ROBO2: variants seen among roughly 807,000 people sequenced by gnomAD.
The protein encoded by ROBO2 is roundabout homolog 2.
A neutral mutation model predicts 160.8 loss-of-function variants in ROBO2; 53 were observed. The ratio of observed to expected loss-of-function variants is 0.33; its 90% CI spans 0.26 to 0.41. The LOEUF (loss-of-function observed/expected upper bound fraction) is 0.41. Among genes scored for constraint, ROBO2 ranks in the 10% least tolerant of loss-of-function variants. The probability of loss-of-function intolerance (pLI) is 1.00; values close to 1 mark genes in which losing one functional copy is unlikely to be tolerated. For missense variants in ROBO2, 1,577 were observed against 1,722.4 expected, an observed-to-expected ratio of 0.92 and a Z score of 1.49; for synonymous variants, 664 against 611.7, an observed-to-expected ratio of 1.09 and a Z score of -1.26.
At chr3:76,418,343 C>G (rs985840653) in intron 2 of ROBO2, among the ~76,000 whole-genome samples, 5 of 151,538 alleles carry the variant, frequency 3.3e-5, no homozygotes, top group Non-Finnish European at 5.9e-5. Context: ...TGGGTTCAAG[C>G]AATTCTCCTG....
chr3:77,410,717 T>TCCTCCTCCTCC (rs2076711895), intron 2 of ROBO2, among the ~76,000 whole-genome samples: 16 of 53,566 alleles, frequency 3.0e-4, no homozygotes, highest in African/African-American at 8.3e-4. Context: ...CCTCCTCCTC[T>TCCTCCTCCTCC]TCCTCCTCCT....
At chr3:76,388,733 T>A (rs1484581395) in intron 2 of ROBO2, among the ~76,000 whole-genome samples, 1 of 152,146 alleles carries the variant, frequency 6.6e-6, no homozygotes, top group Non-Finnish European at 1.5e-5. Flanking sequence ...ATAACTCTAT[T>A]TTTTACCTTT....
At chr3:76,477,866 A>G (rs1451551505) in intron 2 of ROBO2, among the ~76,000 whole-genome samples, 1 of 151,928 alleles carries the variant, frequency 6.6e-6, no homozygotes, top group East Asian at 1.9e-4. Flanking sequence ...TTCTTTCTAC[A>G]TTTGTTGCAG....
rs182508487 is a variant in ROBO2, at chr3:77,237,624, G to C, written c.388+139284G>C. Among the ~76,000 whole-genome samples the C allele has an allele frequency of 1.0e-3, 155 of 152,210 alleles. 3 individuals are homozygous for C. In the East Asian group the frequency reaches 0.022, roughly 22 times the overall value. On this transcript the variant is annotated intron_variant, in intron 2 of 25. Transcript: ENST00000461745. The stretch of plus-strand genomic sequence containing the variant: ...TGGATGTAACACAAGTCCATATAGT[G>C]TATCTATCTATTCACCTATTGACAT...
At chr3:76,136,899 T>C (rs1249815249) in intron 2 of ROBO2, among the ~76,000 whole-genome samples, 1 of 151,988 alleles carries the variant, frequency 6.6e-6, no homozygotes, top group African/African-American at 2.4e-5. Flanking sequence ...TCATAAGAGC[T>C]TCCAAAGTCT....
At chr3:76,076,537 A>G (rs1242295276) in intron 2 of ROBO2, among the ~76,000 whole-genome samples, 1 of 152,200 alleles carries the variant, frequency 6.6e-6, no homozygotes, top group Non-Finnish European at 1.5e-5. Context: ...AACAAAATTT[A>G]GCTAGTAATT....
intron 2 of ROBO2, among the ~76,000 whole-genome samples, chr3:76,085,168 G>A (rs2068969654): frequency 6.6e-6 from 1 of 151,250 alleles, no homozygotes; most frequent in Non-Finnish European, 1.5e-5. Flanking sequence ...TGATATATAT[G>A]CATGGAAAAT....
intron 2 of ROBO2, among the ~76,000 whole-genome samples, chr3:76,447,602 T>C (rs1031299385): frequency 1.3e-5 from 2 of 149,982 alleles, no homozygotes; most frequent in Non-Finnish European, 3.0e-5. Context: ...CGTATGTATA[T>C]TGCGGCACTA....
At position 76,399,280 on chromosome 3, in the gene ROBO2, C is replaced by T. The variant is rs536301244; in HGVS notation, c.109+461678C>T. Among the ~76,000 whole-genome samples the T allele has an allele frequency of 2.8e-4, 39 of 141,094 alleles. 1 individual carries two copies. The highest frequency in any genetic ancestry group is 1.1e-3 in the African/African-American group (39 of 34,276). 92.6% of individuals were successfully genotyped at this position (141,094 alleles called of 152,430 possible). On this transcript the variant is annotated intron_variant, in intron 2 of 26. Transcript: ENST00000487694. The stretch of plus-strand genomic sequence containing the variant: ...AACGTGACAACTGTCTGCTGTGTGC[C>T]AGATGTTTTTTGTTAGTCTCTCTAA...
intron 2 of ROBO2, among the ~76,000 whole-genome samples, chr3:77,264,324 T>TA (rs2058982044): frequency 6.6e-6 from 1 of 152,248 alleles, no homozygotes; most frequent in South Asian, 2.1e-4. Context: ...CTTATTTTTT[T>TA]AACAACTCCT....
At chr3:76,715,792 G>C (rs541236063) in intron 2 of ROBO2, among the ~76,000 whole-genome samples, 1 of 152,078 alleles carries the variant, frequency 6.6e-6, no homozygotes, top group Non-Finnish European at 1.5e-5. Context: ...TATACACAGA[G>C]GCTTTCAATC....
At chr3:76,631,438 A>T (rs1422045930) in intron 2 of ROBO2, among the ~76,000 whole-genome samples, 1 of 152,150 alleles carries the variant, frequency 6.6e-6, no homozygotes, top group African/African-American at 2.4e-5. Flanking sequence ...AAAAAAAGTA[A>T]GTATTTTGCA....
chr3:76,688,756 G>T (rs1229204388), intron 2 of ROBO2, among the ~76,000 whole-genome samples: 1 of 151,834 alleles, frequency 6.6e-6, no homozygotes, highest in Non-Finnish European at 1.5e-5. Context: ...CTTTCTCATT[G>T]ATTATTTAAA....
chr3:76,611,723 G>A (rs1052235489), intron 2 of ROBO2, among the ~76,000 whole-genome samples: 7 of 151,930 alleles, frequency 4.6e-5, no homozygotes, highest in African/African-American at 1.7e-4. Context: ...ACAACTTTTT[G>A]TTTCATTGAT....
chr3:77,504,076 G>C (rs2153610383), intron 5 of ROBO2, among the ~76,000 whole-genome samples: 1 of 152,300 alleles, frequency 6.6e-6, no homozygotes, highest in Non-Finnish European at 1.5e-5. Flanking sequence ...ATATTTGGAG[G>C]TGGGAGGTTA....
At chr3:77,602,163 CT>C in intron 19 of ROBO2, 46 bp from the exon 21 acceptor site, 1 of 1,602,862 alleles carries the variant, frequency 6.2e-7, no homozygotes, top group Non-Finnish European at 8.5e-7. Context: ...TAGTTTTGGG[CT>C]TCCGGTGCCT....
chr3:77,335,437 C>A (rs112725914), intron 2 of ROBO2, among the ~76,000 whole-genome samples: 2 of 152,096 alleles, frequency 1.3e-5, no homozygotes, highest in African/African-American at 4.8e-5. Context: ...AAGCAGAGAT[C>A]AAAAAATATC....
At chr3:77,128,367 C>T (rs1330790018) in intron 2 of ROBO2, among the ~76,000 whole-genome samples, 1 of 152,142 alleles carries the variant, frequency 6.6e-6, no homozygotes, top group African/African-American at 2.4e-5. Context: ...ATCAAAAAAA[C>T]ATGGTATATA....
intron 2 of ROBO2, among the ~76,000 whole-genome samples, chr3:76,753,495 G>T (rs1560501860): frequency 6.6e-6 from 1 of 151,536 alleles, no homozygotes; most frequent in Non-Finnish European, 1.5e-5. Context: ...GTTTTTCCTT[G>T]TTAACAGATG....
Sources: allele counts gnomAD v4.1 joint callset (sites outside exome capture counted in the v4.1 genomes callset), GRCh38; gene constraint gnomAD v4.1.1; transcripts MANE v1.5; gene names NCBI Gene and HGNC (gene_info 2026-07-23, HGNC 2026-07-21).